Variants in EPHA6 observed in about 807,000 individuals in gnomAD.
EPHA6 encodes the protein EPH receptor A6, also known as ephrin type-A receptor 6.
In EPHA6, 50 loss-of-function variants were observed where a neutral mutation model predicts 112.0. That is an observed-to-expected ratio of 0.45 (90% CI 0.36 to 0.56). The LOEUF is 0.56. EPHA6 is among the 20% of genes least tolerant of loss of function. The pLI is 0.00. For synonymous variants in EPHA6, 529 were observed against 490.7 expected, an observed-to-expected ratio of 1.08 and a Z score of -1.03; for missense variants, 1,280 against 1,417.4, an observed-to-expected ratio of 0.90 and a Z score of 1.56.
At chr3:96,891,827 C>T (rs1355257686) in intron 2 of EPHA6, among the ~76,000 whole-genome samples, 1 of 152,202 alleles carries the variant, frequency 6.6e-6, no homozygotes, top group Admixed American at 6.5e-5. Context: ...TAGCCATATA[C>T]TTTGTTCTGT....
At chr3:97,747,835 T>C (rs968904843) in intron 17 of EPHA6, among the ~76,000 whole-genome samples, 1 of 152,098 alleles carries the variant, frequency 6.6e-6, no homozygotes, top group African/African-American at 2.4e-5. Context: ...ATCATAGACT[T>C]TATGTCAACT....
chr3:97,317,767 G>A lies in EPHA6; in HGVS notation c.1606+73480G>A, dbSNP rs187991191. On this transcript the variant is annotated intron_variant, in intron 5 of 17. Transcript: ENST00000389672. ...GAGATAATTAAGCATAGAAATTTCT[G>A]GGTCTTCTGTGGTTTCTAGAACTGC... is the stretch of plus-strand genomic sequence containing the variant. Among the ~76,000 whole-genome samples the A allele has an allele frequency of 3.3e-5, 5 of 152,032 alleles. No individual in the cohort carries two copies. The East Asian group carries it at 9.7e-4, about 29-fold the overall frequency.
intron 5 of EPHA6, among the ~76,000 whole-genome samples, chr3:97,358,538 T>G (rs890334899): frequency 1.3e-5 from 2 of 152,000 alleles, no homozygotes; most frequent in African/African-American, 4.8e-5. Flanking sequence ...TAATTTATTT[T>G]TTAGTGTATT....
At chr3:97,018,204 C>A (rs2044330994) in intron 3 of EPHA6, among the ~76,000 whole-genome samples, 1 of 151,960 alleles carries the variant, frequency 6.6e-6, no homozygotes, top group Non-Finnish European at 1.5e-5. Context: ...CTTTTTCTGT[C>A]TCCCATTTAT....
intron 14 of EPHA6, among the ~76,000 whole-genome samples, chr3:97,649,653 G>A (rs1342825793): frequency 1.3e-5 from 2 of 151,870 alleles, no homozygotes; most frequent in Non-Finnish European, 1.5e-5. Flanking sequence ...AAGGTGATAA[G>A]TAAATAAACC....
chr3:97,693,075 T>C (rs1323248396), intron 14 of EPHA6, among the ~76,000 whole-genome samples: 1 of 152,166 alleles, frequency 6.6e-6, no homozygotes, highest in Non-Finnish European at 1.5e-5. Context: ...GATGGTCTGA[T>C]AATAATAAAG....
chr3:96,854,141 A>C (rs1025085621), intron 1 of EPHA6, among the ~76,000 whole-genome samples: 4 of 151,616 alleles, frequency 2.6e-5, no homozygotes, highest in Non-Finnish European at 5.9e-5. Context: ...GGATCTAAAA[A>C]AAGATATATA....
At chr3:96,957,358 T>C (rs1041646802) in intron 2 of EPHA6, among the ~76,000 whole-genome samples, 1 of 152,228 alleles carries the variant, frequency 6.6e-6, no homozygotes, top group Admixed American at 6.5e-5. Flanking sequence ...CTCAATTTAA[T>C]TTTTAAAATT....
intron 14 of EPHA6, among the ~76,000 whole-genome samples, chr3:97,656,480 G>T (rs1381126202): frequency 6.6e-6 from 1 of 151,804 alleles, no homozygotes; most frequent in African/African-American, 2.4e-5. Context: ...GAGATCTGAA[G>T]CTAGAGAAAA....
intron 1 of EPHA6, among the ~76,000 whole-genome samples, chr3:96,831,794 G>A (rs990668852): frequency 6.6e-6 from 1 of 151,942 alleles, no homozygotes; most frequent in Non-Finnish European, 1.5e-5. Context: ...TTACTTATAA[G>A]ATATTAGATA....
rs762744 is a variant in EPHA6, at chr3:97,058,761, G to A, written c.1114+70768G>A. 7.8e-3 allele frequency among the ~76,000 whole-genome samples: 1,188 copies of A among 152,226 alleles called. 16 individuals carry two copies. Among genetic ancestry groups the A allele is most frequent in the African/African-American group, 0.026 (1,079 of 41,518 alleles). ...GACTTTGAAAAATATATAAAGATCC[G>A]TGAATCAATTCCACTGATTTAAAGG... On this transcript the variant is annotated intron_variant, in intron 3 of 17. Transcript: ENST00000389672.
At chr3:97,021,830 A>G (rs9868252) in intron 3 of EPHA6, among the ~76,000 whole-genome samples, 2,809 of 152,274 alleles carry the variant, frequency 0.018, 75 homozygotes, top group African/African-American at 0.052. Flanking sequence ...TGGGGACACA[A>G]TGTAGTCTAT....
At chr3:97,258,163 G>T (rs1043744386) in intron 5 of EPHA6, among the ~76,000 whole-genome samples, 2 of 151,614 alleles carry the variant, frequency 1.3e-5, no homozygotes, top group African/African-American at 2.4e-5. Context: ...TATCCCCAGG[G>T]TCTACCATAG....
intron 5 of EPHA6, among the ~76,000 whole-genome samples, chr3:97,357,556 G>C (rs141593038): frequency 6.6e-6 from 1 of 152,070 alleles, no homozygotes; most frequent in African/African-American, 2.4e-5. Context: ...CTTTTTATTG[G>C]AGAATTGAAT....
chr3:97,418,662 A>G (rs1577323332), intron 6 of EPHA6, among the ~76,000 whole-genome samples: 1 of 152,294 alleles, frequency 6.6e-6, no homozygotes, highest in East Asian at 1.9e-4. Context: ...TCACTCAAAG[A>G]CCTACCATAA....
chr3:97,369,522 G>A (rs943412436), intron 5 of EPHA6, among the ~76,000 whole-genome samples: 10 of 152,164 alleles, frequency 6.6e-5, no homozygotes, highest in Non-Finnish European at 1.0e-4. Flanking sequence ...CTGGGTAAAT[G>A]GTTGTTCCAG....
At chr3:97,554,249 A>C (rs1263395493) in intron 11 of EPHA6, among the ~76,000 whole-genome samples, 1 of 152,086 alleles carries the variant, frequency 6.6e-6, no homozygotes, top group Non-Finnish European at 1.5e-5. Context: ...TTAAAGGTAA[A>C]ATCTGATTAT....
intron 3 of EPHA6, among the ~76,000 whole-genome samples, chr3:97,223,940 T>A (rs2078276943): frequency 6.6e-6 from 1 of 152,198 alleles, no homozygotes. Context: ...AGTATGGTAT[T>A]CACTAGCCAT....
chr3:97,527,748 C>T (rs1037061207), intron 10 of EPHA6, among the ~76,000 whole-genome samples: 10 of 152,196 alleles, frequency 6.6e-5, no homozygotes, highest in South Asian at 6.2e-4. Flanking sequence ...GCAGGGTACT[C>T]GTCGATACTC....
Sources: allele counts gnomAD v4.1 joint callset (sites outside exome capture counted in the v4.1 genomes callset), GRCh38; gene constraint gnomAD v4.1.1; transcripts MANE v1.5; gene names NCBI Gene and HGNC (gene_info 2026-07-23, HGNC 2026-07-21).